ZNF318: variants seen among roughly 807,000 people sequenced by gnomAD.
ZNF318 encodes zinc finger protein 318.
ZNF318 carries 51 observed loss-of-function variants against 124.2 expected under a neutral mutation model. That is an observed-to-expected ratio of 0.41 (90% CI 0.33 to 0.52). The LOEUF (loss-of-function observed/expected upper bound fraction) is 0.52. Ranked by LOEUF, ZNF318 falls within the 20% of genes least tolerant of loss-of-function variation. ZNF318 has a pLI of 0.23. For missense variants in ZNF318, 2,815 were observed against 2,811.2 expected, an observed-to-expected ratio of 1.00 and a Z score of -0.03; for synonymous variants, 1,090 against 1,040.7, an observed-to-expected ratio of 1.05 and a Z score of -0.91.
intron 2 of ZNF318, among the ~76,000 whole-genome samples, 189 bp downstream of exon 2, chr6:43,365,103 C>T (rs1465482330): frequency 6.6e-6 from 1 of 152,180 alleles, no homozygotes; most frequent in Non-Finnish European, 1.5e-5. Flanking sequence ...TATTCAACAA[C>T]AGAGTCTACA....
At position 43,342,126 on chromosome 6, in the gene ZNF318, G is replaced by A. The variant is rs773468353; in HGVS notation, c.3362C>T (p.Thr1121Ile). 1 of 1,614,134 alleles carries A rather than the reference G, an allele frequency of 6.2e-7. No individual in the cohort carries two copies. The highest frequency in any genetic ancestry group is 1.1e-5 in the South Asian group (1 of 91,088). ...QDAIKRTDKI[T>I]VPAKGSEFLV... is the part of the protein sequence containing the mutation. ...AGGAAACATACCTTTTGCAGGAACA[G>A]TTATCTTGTCAGTGCGCTTTATGGC... The change falls in exon 8 of 10, where the codon ACT becomes ATT. Residue 1121 changes from threonine to isoleucine, a missense_variant. Physicochemically the swap from Thr to Ile is moderately conservative, Grantham distance 89 (BLOSUM62 -1). This residue lies in a region of ZNF318 where 500 missense variants were observed against 605.2 expected (regional missense o/e 0.83). Transcript: ENST00000361428.
In ZNF318 at chr6:43,357,745, G is replaced by A. The variant is rs761776455; in HGVS notation, c.569C>T (p.Ser190Phe). The stretch of plus-strand genomic sequence containing the variant: ...GCACTGGGAGCTTCGAGTGAAGACA[G>A]AATCATCAGTCAGGTCATCCCTGAG... ...DMDRDDLTDD[S>F]VFTRSSQCSR... Residue 190 changes from serine to phenylalanine, a missense_variant, in exon 3 of 10, where the codon TCT (serine) becomes TTT (phenylalanine). By Grantham distance (155) the Ser-to-Phe change is radical. Coordinates refer to ENST00000361428, the MANE Select transcript of ZNF318 (RefSeq NM_014345.3). The A allele has an allele frequency of 1.3e-6, 2 of 1,599,046 alleles. No individual in the cohort carries two copies. The highest frequency in any genetic ancestry group is 1.7e-6 in the Non-Finnish European group (2 of 1,178,542).
In ZNF318 at chr6:43,354,716, T is replaced by C. The variant is rs769193765; in HGVS notation, c.2618A>G (p.Tyr873Cys). Residue 873 changes from tyrosine to cysteine, a missense_variant, in exon 4 of 10, where the codon TAT (tyrosine) becomes TGT (cysteine). Tyr to Cys is a radical substitution (Grantham distance 194). This residue lies in a region of ZNF318 where 1,377 missense variants were observed against 1,353.5 expected (regional missense o/e 1.02). Coordinates refer to ENST00000361428, the MANE Select transcript of ZNF318 (RefSeq NM_014345.3). ...VQVSIPSLIR[Y>C]NPEKISDEKN... Reference sequence around the variant, plus strand: ...CTCATCAGAGATCTTCTCTGGATTATATCTTATGAGTGATGGAATGGACAC... The same window carrying C: ...CTCATCAGAGATCTTCTCTGGATTACATCTTATGAGTGATGGAATGGACAC... The C allele has an allele frequency of 1.9e-6, 3 of 1,613,824 alleles. No individual in the cohort carries two copies. Among genetic ancestry groups the C allele is most frequent in the East Asian group, 2.2e-5 (1 of 44,900 alleles).
intron 6 of ZNF318, among the ~76,000 whole-genome samples, chr6:43,347,299 T>C (rs936455164): frequency 6.6e-6 from 1 of 152,200 alleles, no homozygotes; most frequent in Admixed American, 6.5e-5. Context: ...AGGGATTAAG[T>C]ATCATGATCA....
In ZNF318 at chr6:43,338,316, AAGC is replaced by A; in HGVS notation, c.5679_5681del (p.Leu1894del). ...ACATAGCTGATCTGGCTGGGGAATGAAGCAGCAACTCTGGGGCAGAAATTTTCA... is the reference window on the plus strand; with the variant it reads ...ACATAGCTGATCTGGCTGGGGAATGAAGCAACTCTGGGGCAGAAATTTTCA... On this transcript the variant is annotated inframe_deletion, in exon 10 of 10. Coordinates refer to ENST00000361428, the MANE Select transcript of ZNF318 (RefSeq NM_014345.3). 1.2e-6 allele frequency: 2 copies of A among 1,614,214 alleles called. No homozygotes were observed. Among genetic ancestry groups the A allele is most frequent in the South Asian group, 1.1e-5 (1 of 91,078 alleles).
chr6:43,358,018 C>T (rs1198365019), intron 2 of ZNF318, among the ~76,000 whole-genome samples: 4 of 152,126 alleles, frequency 2.6e-5, no homozygotes, highest in Non-Finnish European at 4.4e-5. Flanking sequence ...TTAGGGCATG[C>T]AGAATATCAT....
Position 43,336,269 on chromosome 6 carries a change from C to T in ZNF318, c.*889G>A, listed in dbSNP as rs7692. ...GTGGAACAGGGAATGAGTTCAATCT[C>T]AAGACAAGTTTCAGAGATCTTCTAC... On this transcript the variant is annotated 3_prime_UTR_variant, in exon 10 of 10. Coordinates refer to ENST00000361428, the MANE Select transcript of ZNF318 (RefSeq NM_014345.3). The T allele has an allele frequency of 6.6e-6, 1 of 152,360 alleles. No individual in the cohort carries two copies. The highest frequency in any genetic ancestry group is 2.1e-4 in the South Asian group (1 of 4,834). 9.4% of individuals were successfully genotyped at this position (152,360 alleles called of 1,614,324 possible). A position where few individuals can be genotyped will look rare whatever the true frequency, so the allele number is the denominator to read the frequency against.
intron 5 of ZNF318, 111 bp downstream of exon 5, chr6:43,352,266 A>AGTTTAATTAGTTC: frequency 2.6e-6 from 1 of 385,002 alleles, no homozygotes; most frequent in African/African-American, 1.2e-4. Flanking sequence ...TAATTACGTC[A>AGTTTAATTAGTTC]AAAAAAAATT....
At position 43,342,196 on chromosome 6, in the gene ZNF318, T is replaced by C. The variant is rs369713876; in HGVS notation, c.3292A>G (p.Asn1098Asp). 1.8e-4 allele frequency: 290 copies of C among 1,612,822 alleles called. No homozygotes were observed. The highest frequency in any genetic ancestry group is 3.5e-4 in the Admixed American group (21 of 59,886). ...KKHTQTLDPY[N>D]RPWASKTQSE... Reference sequence around the variant, plus strand: ...TGGGTCTTTGAAGCCCAAGGTCTGTTGTAGGGATCCAGTGTCTATTTGTAA... The same window carrying C: ...TGGGTCTTTGAAGCCCAAGGTCTGTCGTAGGGATCCAGTGTCTATTTGTAA... Residue 1098 changes from asparagine to aspartate, a missense_variant, in exon 8 of 10, where the codon AAC becomes GAC. Asn to Asp is a conservative substitution (Grantham distance 23, BLOSUM62 1). Transcript: ENST00000361428.
intron 3 of ZNF318, 150 bp downstream of exon 3, chr6:43,356,976 C>T (rs1286601181): frequency 1.2e-6 from 1 of 830,818 alleles, no homozygotes; most frequent in Admixed American, 3.0e-5. Flanking sequence ...CCTACAGTTT[C>T]GTTTGGAGAG....
At position 43,338,067 on chromosome 6, in the gene ZNF318, T is replaced by C. The variant is rs1413929926; in HGVS notation, c.5931A>G (p.Thr1977=). 4 of 1,614,118 alleles carry C rather than the reference T, an allele frequency of 2.5e-6. No homozygotes were observed. The highest frequency in any genetic ancestry group is 3.4e-6 in the Non-Finnish European group (4 of 1,180,044). The change falls in exon 10 of 10, where the codon ACA becomes ACG. Residue 1977 remains threonine (T), a synonymous_variant. Transcript: ENST00000361428. The part of the protein sequence containing the change: ...ETWESPEKPK[T]EALELQDVHP... ...GGACATCTTGTAGCTCCAGTGCTTC[T>C]GTTTTTGGTTTCTCTGGGCTCTCCC...
At chr6:43,359,542 A>T (rs923971322) in intron 2 of ZNF318, among the ~76,000 whole-genome samples, 1 of 152,250 alleles carries the variant, frequency 6.6e-6, no homozygotes, top group Non-Finnish European at 1.5e-5. Context: ...AGAGTGAATT[A>T]TCATCTAGAG....
rs1459051248 is a variant in ZNF318, at chr6:43,340,082, C to A, written c.3916G>T (p.Asp1306Tyr). The A allele has an allele frequency of 6.2e-7, 1 of 1,614,166 alleles. No homozygotes were observed. Among genetic ancestry groups the A allele is most frequent in the Admixed American group, 1.7e-5 (1 of 60,020 alleles). ...GCTTCAGTTTTGCCATCCTCTTTGT[C>A]CTTACTACTTTCTAGAATCTCTTCT... Reference protein sequence around the residue: ...SKEEILESSKDKEDGKTEAGK... With the variant: ...SKEEILESSKYKEDGKTEAGK... Residue 1306 changes from aspartate to tyrosine, a missense_variant, in exon 10 of 10, where the codon GAC (aspartate) becomes TAC (tyrosine). Physicochemically the swap from Asp to Tyr is radical, Grantham distance 160. Transcript: ENST00000361428.
In ZNF318 at chr6:43,336,093, G is replaced by A. The variant is rs1159431627; in HGVS notation, c.*1065C>T. 2.0e-5 allele frequency: 3 copies of A among 152,580 alleles called. No homozygotes were observed. The highest frequency in any genetic ancestry group is 7.2e-5 in the African/African-American group (3 of 41,422). 9.5% of individuals were successfully genotyped at this position (152,580 alleles called of 1,614,324 possible). ...CATGAGATTAATGCATTTATTCCAAGTAATTAACACATTAAAAATAAAGTT... is the reference window on the plus strand; with the variant it reads ...CATGAGATTAATGCATTTATTCCAAATAATTAACACATTAAAAATAAAGTT... On this transcript the variant is annotated 3_prime_UTR_variant, in exon 10 of 10. Coordinates refer to ENST00000361428, the MANE Select transcript of ZNF318 (RefSeq NM_014345.3).
In ZNF318 at chr6:43,357,359, C is replaced by T. The variant is rs765483245; in HGVS notation, c.955G>A (p.Asp319Asn). 12 of 1,614,028 alleles carry T rather than the reference C, an allele frequency of 7.4e-6. No homozygotes were observed. Among genetic ancestry groups the T allele is most frequent in the African/African-American group, 2.7e-5 (2 of 74,900 alleles). Reference protein sequence around the residue: ...RFLDPEFRELDLARRKREEEE... With the variant: ...RFLDPEFRELNLARRKREEEE... ...TCCTCTCGCTTTCGTCTGGCAAGAT[C>T]CAGTTCTCGAAACTCAGGGTCGAGA... The change falls in exon 3 of 10, where the codon GAT becomes AAT. Residue 319 changes from aspartate to asparagine, a missense_variant. Physicochemically the swap from Asp to Asn is conservative, Grantham distance 23. Transcript: ENST00000361428.
At position 43,369,474 on chromosome 6, in the gene ZNF318, G is replaced by A; in HGVS notation, c.-109C>T. 1 of 902,020 alleles carries A rather than the reference G, an allele frequency of 1.1e-6. No individual in the cohort carries two copies. The highest frequency in any genetic ancestry group is 5.9e-5 in the East Asian group (1 of 17,086). 55.9% of individuals were successfully genotyped at this position (902,020 alleles called of 1,614,324 possible). On this transcript the variant is annotated 5_prime_UTR_variant, in exon 1 of 10. Transcript: ENST00000361428. Reference sequence around the variant, plus strand: ...GCCGCCGCCACCTCGGCCGCTGCGCGCCGCCTCAGCCGCGGGAGCAGCCCC... The same window carrying A: ...GCCGCCGCCACCTCGGCCGCTGCGCACCGCCTCAGCCGCGGGAGCAGCCCC...
At chr6:43,351,606 C>T (rs1432208973) in intron 5 of ZNF318, among the ~76,000 whole-genome samples, 1 of 151,810 alleles carries the variant, frequency 6.6e-6, no homozygotes, top group Non-Finnish European at 1.5e-5. Flanking sequence ...ACTAAAATTA[C>T]AAAAATTAGC....
chr6:43,367,646 A>G (rs1055255934), intron 1 of ZNF318, among the ~76,000 whole-genome samples: 1 of 152,256 alleles, frequency 6.6e-6, no homozygotes, highest in African/African-American at 2.4e-5. Context: ...ACTCAGACAG[A>G]AAAGACTGGA....
intron 4 of ZNF318, among the ~76,000 whole-genome samples, chr6:43,354,015 A>T (rs1190834823): frequency 1.3e-5 from 2 of 151,874 alleles, no homozygotes; most frequent in Admixed American, 1.3e-4. Context: ...GCAGGGGAGG[A>T]TCACTTGAGC....
Sources: gnomAD v4.1 joint callset for allele counts (sites outside exome capture counted in the v4.1 genomes callset) on GRCh38, gnomAD v4.1.1 for gene constraint, gnomAD v4.1.1 regional missense constraint, MANE v1.5 for transcripts, NCBI Gene and HGNC (gene_info 2026-07-23, HGNC 2026-07-21) for gene names.